DLGAP2: variants seen among roughly 807,000 people sequenced by gnomAD.
DLGAP2 encodes DLG associated protein 2, also known as disks large-associated protein 2.
A neutral mutation model predicts 100.3 loss-of-function variants in DLGAP2; 26 were observed. The ratio of observed to expected loss-of-function variants is 0.26; its 90% CI spans 0.19 to 0.36. The LOEUF (loss-of-function observed/expected upper bound fraction) is 0.36. Ranked by LOEUF, DLGAP2 falls within the 10% of genes least tolerant of loss-of-function variation. DLGAP2 has a pLI of 1.00. For missense variants in DLGAP2, 1,858 were observed against 1,453.2 expected (o/e 1.28, Z -4.53); for synonymous variants, 886 against 630.1 (o/e 1.41, Z -6.08).
At chr8:892,155 A>C (rs1353104212) in intron 1 of DLGAP2, among the ~76,000 whole-genome samples, 1 of 152,174 alleles carries the variant, frequency 6.6e-6, no homozygotes, top group East Asian at 1.9e-4. Flanking sequence ...AGATTCATCA[A>C]AAACTCGAGA....
intron 3 of DLGAP2, among the ~76,000 whole-genome samples, chr8:1,321,939 G>T (rs1410613816): frequency 7.2e-5 from 11 of 152,110 alleles, no homozygotes; most frequent in Admixed American, 6.5e-4. Flanking sequence ...GTAAATACAG[G>T]CATTTAATTT....
intron 4 of DLGAP2, among the ~76,000 whole-genome samples, chr8:1,545,410 C>T (rs1801500617): frequency 6.6e-6 from 1 of 152,172 alleles, no homozygotes; most frequent in African/African-American, 2.4e-5. Context: ...ACATTCTATT[C>T]TGAATTTGGG....
chr8:750,697 C>G (rs542315944), intron 1 of DLGAP2, among the ~76,000 whole-genome samples: 1 of 152,230 alleles, frequency 6.6e-6, no homozygotes, highest in Non-Finnish European at 1.5e-5. Context: ...TCCGCCCTCC[C>G]CTGCACAGGT....
intron 4 of DLGAP2, among the ~76,000 whole-genome samples, chr8:1,525,004 C>G (rs1309236859): frequency 1.3e-5 from 2 of 152,086 alleles, no homozygotes; most frequent in Non-Finnish European, 2.9e-5. Context: ...GGCGGAGCAG[C>G]CAATCCTTTC....
At chr8:1,536,405 A>C (rs115804042) in intron 4 of DLGAP2, among the ~76,000 whole-genome samples, 1,752 of 152,304 alleles carry the variant, frequency 0.012, 35 homozygotes, top group African/African-American at 0.04. Flanking sequence ...TTCCTAAAAA[A>C]GGATTATCTA....
intron 5 of DLGAP2, among the ~76,000 whole-genome samples, chr8:1,553,449 T>C (rs1249254999): frequency 6.6e-6 from 1 of 152,192 alleles, no homozygotes; most frequent in East Asian, 1.9e-4. Context: ...CCTGTTTTAT[T>C]CGGCGTGTTC....
intron 2 of DLGAP2, among the ~76,000 whole-genome samples, chr8:1,115,539 C>G (rs1805089821): frequency 6.6e-6 from 1 of 152,166 alleles, no homozygotes; most frequent in Admixed American, 6.5e-5. Flanking sequence ...ATGTAAAGTG[C>G]CTAAGACAGT....
intron 3 of DLGAP2, among the ~76,000 whole-genome samples, chr8:1,350,113 G>T (rs914561729): frequency 7.2e-5 from 11 of 152,170 alleles, no homozygotes; most frequent in Non-Finnish European, 1.0e-4. Context: ...TGTAAAATCA[G>T]CTGGTTATTA....
rs111742288 is a variant in DLGAP2 at position 1,042,773 on chromosome 8, A to C, written c.73+134807A>C. On this transcript the variant is annotated intron_variant, in intron 2 of 14. Transcript: ENST00000637795. ...TGGATGTAGGTGGTGGATGTGGGTG[A>C]TGGATGTGGGTGGTGGGTGTGGGTG... Among the ~76,000 whole-genome samples, 80 of 9,322 alleles carry C rather than the reference A, an allele frequency of 8.6e-3. 22 individuals are homozygous for C. The highest frequency in any genetic ancestry group is 0.038 in the East Asian group (10 of 262). 6.1% of individuals were successfully genotyped at this position (9,322 alleles called of 152,430 possible).
intron 3 of DLGAP2, among the ~76,000 whole-genome samples, chr8:1,430,007 C>CATATATATATATATATATATATATAT (rs60682299): frequency 1.8e-5 from 1 of 54,376 alleles, no homozygotes; most frequent in Non-Finnish European, 3.6e-5. Context: ...CATATATATA[C>CATATATATATATATATATATATATAT]ATATATATAT....
intron 1 of DLGAP2, among the ~76,000 whole-genome samples, chr8:845,962 T>C (rs1333729366): frequency 6.6e-6 from 1 of 152,234 alleles, no homozygotes; most frequent in Non-Finnish European, 1.5e-5. Flanking sequence ...AAAAATCAAT[T>C]GTCCAGAGAC....
At chr8:1,417,833 G>C (rs989170819) in intron 3 of DLGAP2, among the ~76,000 whole-genome samples, 3 of 152,192 alleles carry the variant, frequency 2.0e-5, no homozygotes. Flanking sequence ...TGAAGAATTC[G>C]ATTATTACCT....
chr8:1,410,079 A>C (rs1796685272), intron 3 of DLGAP2, among the ~76,000 whole-genome samples: 1 of 152,204 alleles, frequency 6.6e-6, no homozygotes, highest in African/African-American at 2.4e-5. Context: ...CAGGTCCACA[A>C]GCCAAGCGGT....
At chr8:798,926 C>T (rs4075376) in intron 1 of DLGAP2, among the ~76,000 whole-genome samples, 19,840 of 152,222 alleles carry the variant, frequency 0.13, 1,898 homozygotes, top group East Asian at 0.53. Flanking sequence ...TGAAAGTAAA[C>T]GCTTGTTGAG....
intron 2 of DLGAP2, chr8:1,019,460 A>G (rs1296691753): frequency 6.6e-6 from 1 of 151,728 alleles, no homozygotes; most frequent in Non-Finnish European, 1.5e-5. Flanking sequence ...AAAGATTTTC[A>G]CCGAGAATCG....
At chr8:1,156,841 A>C (rs1796801290) in intron 2 of DLGAP2, among the ~76,000 whole-genome samples, 1 of 152,088 alleles carries the variant, frequency 6.6e-6, no homozygotes, top group Admixed American at 6.6e-5. Flanking sequence ...TCACACTGAG[A>C]GAGGTTGGTA....
intron 12 of DLGAP2, among the ~76,000 whole-genome samples, chr8:1,683,928 G>GTATATATATGTGTGTA (rs1439092360): frequency 3.3e-5 from 3 of 92,054 alleles, no homozygotes; most frequent in East Asian, 6.9e-4. Flanking sequence ...ATATATGTGT[G>GTATATATATGTGTGTA]TATATATGTG....
chr8:780,585 C>T (rs770588969), intron 1 of DLGAP2, among the ~76,000 whole-genome samples: 1 of 152,248 alleles, frequency 6.6e-6, no homozygotes, highest in Non-Finnish European at 1.5e-5. Flanking sequence ...ACCTTCCCGT[C>T]AGTGGTGAAC....
intron 6 of DLGAP2, among the ~76,000 whole-genome samples, chr8:1,619,339 A>C (rs947709683): frequency 9.9e-5 from 15 of 152,244 alleles, no homozygotes; most frequent in African/African-American, 3.6e-4. Flanking sequence ...CCAAGAGGAT[A>C]CGGGTGGAGG....
Sources: gnomAD v4.1 joint callset for allele counts (sites outside exome capture counted in the v4.1 genomes callset) on GRCh38, gnomAD v4.1.1 for gene constraint, MANE v1.5 for transcripts, NCBI Gene and HGNC (gene_info 2026-07-23, HGNC 2026-07-21) for gene names.